Variants in CEP63 observed in about 807,000 individuals in gnomAD.
The protein encoded by CEP63 is centrosomal protein of 63 kDa.
Under a neutral mutation model 89.1 loss-of-function variants are expected in CEP63, and 84 were observed. That is an observed-to-expected ratio of 0.94 (90% CI 0.79 to 1.13). The LOEUF is 1.13. Ranked by LOEUF, CEP63 falls within the 50% of genes most tolerant of loss-of-function variation. CEP63 has a pLI of 0.00. For missense variants in CEP63, 838 were observed against 813.3 expected (o/e 1.03, Z -0.37); for synonymous variants, 267 against 272.5 (o/e 0.98, Z 0.20).
the CEP63 span, chr3:134,603,442 G>A: frequency 6.2e-5 from 46 of 738,588 alleles, no homozygotes; most frequent in South Asian, 6.7e-4. Flanking sequence ...TGTGGCAGAG[G>A]TGGGACACTG....
the CEP63 span, among the ~76,000 whole-genome samples, chr3:134,675,708 A>G: frequency 0.039 from 5,939 of 152,288 alleles, 367 homozygotes; most frequent in African/African-American, 0.14. Context: ...TGATTAAATA[A>G]TGGCCAAAGG....
At chr3:134,621,710 A>T in the CEP63 span, among the ~76,000 whole-genome samples, 1 of 152,376 alleles carries the variant, frequency 6.6e-6, no homozygotes, top group Non-Finnish European at 1.5e-5. Context: ...GAAAAAACAG[A>T]TAAAAGGGCA....
At chr3:134,756,619 G>T in the CEP63 span, among the ~76,000 whole-genome samples, 113 of 152,316 alleles carry the variant, frequency 7.4e-4, no homozygotes, top group African/African-American at 2.6e-3. Flanking sequence ...CTCCCAAAGT[G>T]CTAGGATTAC....
rs113874987 is a variant in CEP63, at chr3:134,531,734, T to C, written c.223-111T>C. 3.4e-3 allele frequency: 2,787 copies of C among 826,132 alleles called. 46 individuals are homozygous for C. In the African/African-American group the frequency reaches 0.04, roughly 12 times the overall value. The allele number at this position is 826,132 out of a possible 1,614,324, so 51.2% of individuals were successfully genotyped here. On this transcript the variant is annotated intron_variant, in intron 3 of 14. Transcript: ENST00000675561. ...AGTGGGGTATCACCATATATATGCATTTGAGAACTTGAATTTACAAATAAA... is the reference window on the plus strand; with the variant it reads ...AGTGGGGTATCACCATATATATGCACTTGAGAACTTGAATTTACAAATAAA...
At chr3:134,737,880 G>C in the CEP63 span, among the ~76,000 whole-genome samples, 8 of 152,104 alleles carry the variant, frequency 5.3e-5, no homozygotes, top group African/African-American at 1.9e-4. Context: ...TCTCCAAGTG[G>C]CCTCTCACTA....
chr3:134,528,249 C>T (rs1455308260), intron 3 of CEP63, among the ~76,000 whole-genome samples: 1 of 152,114 alleles, frequency 6.6e-6, no homozygotes, highest in African/African-American at 2.4e-5. Flanking sequence ...TCAGTGACCC[C>T]CTCTGAAGAT....
chr3:134,625,277 C>G, the CEP63 span: 2 of 707,342 alleles, frequency 2.8e-6, no homozygotes, highest in Non-Finnish European at 4.9e-6. Flanking sequence ...AGCCTAAGAG[C>G]TATATGGGAA....
the CEP63 span, among the ~76,000 whole-genome samples, chr3:134,636,410 G>A: frequency 6.6e-6 from 1 of 152,214 alleles, no homozygotes; most frequent in Non-Finnish European, 1.5e-5. Flanking sequence ...CATGCCAGAA[G>A]TGATGTTGCA....
chr3:134,643,385 A>G, the CEP63 span: 1 of 1,613,698 alleles, frequency 6.2e-7, no homozygotes, highest in Non-Finnish European at 8.5e-7. Flanking sequence ...TTTTCTATTT[A>G]AGGAAGACAG....
the CEP63 span, among the ~76,000 whole-genome samples, chr3:134,770,954 T>C: frequency 6.6e-6 from 1 of 152,226 alleles, no homozygotes; most frequent in East Asian, 1.9e-4. Context: ...ATACAACAAA[T>C]ACTTTTCTCC....
the CEP63 span, among the ~76,000 whole-genome samples, chr3:134,601,998 T>C: frequency 1.2e-5 from 1 of 81,942 alleles, no homozygotes; most frequent in Non-Finnish European, 2.6e-5. Flanking sequence ...TGAGCATTTG[T>C]TGGATACAGG....
the CEP63 span, among the ~76,000 whole-genome samples, chr3:134,766,830 G>A: frequency 6.6e-6 from 1 of 152,168 alleles, no homozygotes; most frequent in Non-Finnish European, 1.5e-5. Flanking sequence ...GCTCCTGGTA[G>A]CCTTTAAGTT....
the CEP63 span, among the ~76,000 whole-genome samples, chr3:134,609,358 G>T: frequency 6.6e-6 from 1 of 152,178 alleles, no homozygotes. Flanking sequence ...CCTGAGATGG[G>T]GGTGGCTTTG....
rs1215278984 is a variant in CEP63, at chr3:134,507,299, A to G, written c.222+13A>G. On this transcript the variant is annotated intron_variant, in intron 3 of 14. Transcript: ENST00000675561. The stretch of plus-strand genomic sequence containing the variant: ...GACACATAAGGAGGTAAAGCAATTT[A>G]TTTGTTCTTCTTTTTGACATTTTTA... 1 of 1,591,960 alleles carries G rather than the reference A, an allele frequency of 6.3e-7. No individual in the cohort carries two copies. The highest frequency in any genetic ancestry group is 8.6e-7 in the Non-Finnish European group (1 of 1,161,672).
At chr3:134,592,746 T>C (rs1958626536), downstream of CEP63, among the ~76,000 whole-genome samples, 1 of 152,164 alleles carries the variant, frequency 6.6e-6, no homozygotes, top group Non-Finnish European at 1.5e-5. Flanking sequence ...GCAGATTGTA[T>C]TTTTGAAAAC....
At chr3:134,629,824 G>T in the CEP63 span, 1 of 635,700 alleles carries the variant, frequency 1.6e-6, no homozygotes, top group South Asian at 1.9e-5. Context: ...AATCATCCTT[G>T]TTTTTTTCTT....
the CEP63 span, among the ~76,000 whole-genome samples, chr3:134,725,778 T>C: frequency 6.6e-6 from 1 of 152,186 alleles, no homozygotes; most frequent in Non-Finnish European, 1.5e-5. Context: ...CAGTGTCTCC[T>C]TCCAGCAGGC....
At chr3:134,737,211 T>C in the CEP63 span, among the ~76,000 whole-genome samples, 1 of 152,096 alleles carries the variant, frequency 6.6e-6, no homozygotes, top group Non-Finnish European at 1.5e-5. Flanking sequence ...GAAGGAGATA[T>C]AGAGAAATTT....
At chr3:134,638,926 G>A in the CEP63 span, among the ~76,000 whole-genome samples, 4 of 152,204 alleles carry the variant, frequency 2.6e-5, no homozygotes, top group South Asian at 4.1e-4. Context: ...GTGTGTGCAT[G>A]TGCACATGCA....
Sources: allele counts gnomAD v4.1 joint callset (sites outside exome capture counted in the v4.1 genomes callset), GRCh38; gene constraint gnomAD v4.1.1; transcripts MANE v1.5; gene names NCBI Gene and HGNC (gene_info 2026-07-23, HGNC 2026-07-21).